Variants in PODXL observed in about 807,000 individuals in gnomAD.
The protein encoded by PODXL is podocalyxin.
Under a neutral mutation model 48.9 loss-of-function variants are expected in PODXL, and 20 were observed. That is an observed-to-expected ratio of 0.41 (90% CI 0.29 to 0.59). The LOEUF (loss-of-function observed/expected upper bound fraction) is 0.59. Among genes scored for constraint, PODXL ranks in the 20% least tolerant of loss-of-function variants. The pLI, the probability that PODXL is intolerant of heterozygous loss-of-function variation, is 0.31. For synonymous variants in PODXL, 295 were observed against 287.4 expected (o/e 1.03, Z -0.27); for missense variants, 606 against 675.1 (o/e 0.90, Z 1.13).
At chr7:131,544,616 G>C (rs1044742192) in intron 1 of PODXL, among the ~76,000 whole-genome samples, 2 of 151,984 alleles carry the variant, frequency 1.3e-5, no homozygotes, top group Admixed American at 1.3e-4. Context: ...GCACAGGCCT[G>C]GGGAGGGAGC....
chr7:131,504,653 G>T, intron 8 of PODXL, 145 bp from the exon 9 acceptor site: 1 of 682,150 alleles, frequency 1.5e-6, no homozygotes, highest in Non-Finnish European at 2.5e-6. Flanking sequence ...GGCTGCTCCT[G>T]GTGGTCATTC....
intron 1 of PODXL, among the ~76,000 whole-genome samples, chr7:131,552,231 G>A (rs1477819293): frequency 6.6e-6 from 1 of 152,242 alleles, no homozygotes; most frequent in Non-Finnish European, 1.5e-5. Context: ...TGGAGGTGGT[G>A]ATAAGTATGT....
intron 1 of PODXL, among the ~76,000 whole-genome samples, chr7:131,555,663 C>A (rs574854364): frequency 6.6e-6 from 1 of 152,186 alleles, no homozygotes; most frequent in Non-Finnish European, 1.5e-5. Context: ...GACTCTGGGA[C>A]TGTGGAAGGT....
chr7:131,550,838 A>G (rs1464825949), intron 1 of PODXL, among the ~76,000 whole-genome samples: 1 of 152,046 alleles, frequency 6.6e-6, no homozygotes, highest in East Asian at 1.9e-4. Flanking sequence ...CTGGAAAGCT[A>G]TTTATTGAGA....
At chr7:131,535,401 A>G (rs1031707866) in intron 1 of PODXL, among the ~76,000 whole-genome samples, 5 of 152,234 alleles carry the variant, frequency 3.3e-5, no homozygotes, top group Non-Finnish European at 5.9e-5. Context: ...CACCACAGCA[A>G]GTAAACAGGT....
Position 131,556,288 on chromosome 7 carries a change from C to T in PODXL, c.72G>A (p.Pro24=), listed in dbSNP as rs1798743354. 1 of 1,490,436 alleles carries T rather than the reference C, an allele frequency of 6.7e-7. No homozygotes were observed. 92.3% of individuals were successfully genotyped at this position (1,490,436 alleles called of 1,614,324 possible). A position where few individuals can be genotyped will look rare whatever the true frequency, so the allele number is the denominator to read the frequency against. Residue 24 remains proline, a synonymous_variant, in exon 1 of 9, where the codon CCG becomes CCA. Coordinates refer to ENST00000378555, the MANE Select transcript of PODXL (RefSeq NM_001018111.3). ...TCTGGGAGGGCGACGGCGACGGCGA[C>T]GGCGACGACGGCAGCAGCGGCGGCG... is the stretch of plus-strand genomic sequence containing the variant. The part of the protein sequence containing the change: ...LSTPPLLPSS[P]SPSPSPSQNA...
At position 131,529,162 on chromosome 7, in the gene PODXL, C is replaced by T. The variant is rs987526203; in HGVS notation, c.101-17729G>A. Among the ~76,000 whole-genome samples the T allele has an allele frequency of 3.9e-5, 6 of 152,192 alleles. No individual in the cohort carries two copies. The South Asian group carries it at 6.2e-4, about 16-fold the overall frequency. ...GTACTGGAGTCACCAAGAATGATGACACCTATTAAGATGGAGAGGATGGAG... is the reference window on the plus strand; with the variant it reads ...GTACTGGAGTCACCAAGAATGATGATACCTATTAAGATGGAGAGGATGGAG... On this transcript the variant is annotated intron_variant, in intron 1 of 8. Coordinates refer to ENST00000378555, the MANE Select transcript of PODXL (RefSeq NM_001018111.3).
rs147872373 is a variant in PODXL, at chr7:131,519,091, C to T, written c.101-7658G>A. Among the ~76,000 whole-genome samples the T allele has an allele frequency of 2.9e-3, 441 of 152,276 alleles. 1 individual carries two copies. Among genetic ancestry groups the T allele is most frequent in the African/African-American group, 1.0e-2 (414 of 41,560 alleles). ...CTGATGAATCTGTTCAGAGCCTCGC[C>T]TCAGTGGACCTTTCCTTCAAAAACA... On this transcript the variant is annotated intron_variant, in intron 1 of 8. Coordinates refer to ENST00000378555, the MANE Select transcript of PODXL (RefSeq NM_001018111.3).
chr7:131,506,734 G>A lies in PODXL; in HGVS notation c.1102-8C>T, dbSNP rs754759796. 7 of 1,613,994 alleles carry A rather than the reference G, an allele frequency of 4.3e-6. No homozygotes were observed. Among genetic ancestry groups the A allele is most frequent in the East Asian group, 2.2e-5 (1 of 44,864 alleles). On this transcript the variant is annotated splice_polypyrimidine_tract_variant and splice_region_variant and intron_variant, in intron 5 of 8. Coordinates refer to ENST00000378555, the MANE Select transcript of PODXL (RefSeq NM_001018111.3). The stretch of plus-strand genomic sequence containing the variant: ...ATCCGAAGCGCCCCCTGCCTATGGT[G>A]GGGAGAGCGCAGGTGACTCCGCGGG...
Position 131,556,604 on chromosome 7 carries a change from G to C in PODXL, c.-245C>G. 3.3e-6 allele frequency: 1 copy of C among 302,224 alleles called. No individual in the cohort carries two copies. Among genetic ancestry groups the C allele is most frequent in the Non-Finnish European group, 5.8e-6 (1 of 172,828 alleles). The allele number at this position is 302,224 out of a possible 1,614,324, so 18.7% of individuals were successfully genotyped here. ...GGCGGCGGCGGCTGCGTCCTGGGCG[G>C]CGTCTGCGCGGCTGCGGCCCCACTG... On this transcript the variant is annotated 5_prime_UTR_variant, in exon 1 of 9. Transcript: ENST00000378555.
intron 1 of PODXL, among the ~76,000 whole-genome samples, chr7:131,552,965 T>C (rs1194421650): frequency 6.6e-6 from 1 of 152,172 alleles, no homozygotes. Flanking sequence ...AATTTTTTTG[T>C]CTTTTTAGTA....
intron 1 of PODXL, among the ~76,000 whole-genome samples, chr7:131,513,455 C>A (rs904995019): frequency 6.6e-6 from 1 of 152,218 alleles, no homozygotes; most frequent in African/African-American, 2.4e-5. Context: ...TGCCAGCCAG[C>A]ACCCATACCA....
At chr7:131,545,967 C>T (rs778720015) in intron 1 of PODXL, among the ~76,000 whole-genome samples, 4 of 152,346 alleles carry the variant, frequency 2.6e-5, no homozygotes, top group African/African-American at 7.2e-5. Flanking sequence ...CAGAGCAATG[C>T]CCCCAAGGCA....
intron 8 of PODXL, among the ~76,000 whole-genome samples, chr7:131,505,235 A>G (rs1797778336): frequency 6.6e-6 from 1 of 152,188 alleles, no homozygotes; most frequent in Admixed American, 6.5e-5. Flanking sequence ...GCTTCTATCA[A>G]TGAATCCTCA....
At chr7:131,523,465 G>A (rs760674009) in intron 1 of PODXL, among the ~76,000 whole-genome samples, 3 of 151,966 alleles carry the variant, frequency 2.0e-5, no homozygotes, top group African/African-American at 7.2e-5. Flanking sequence ...GGCAGATCAC[G>A]AGGTCAGGAG....
Position 131,503,707 on chromosome 7 carries a change from G to GCC in PODXL, c.*603_*604insGG. The GCC allele has an allele frequency of 1.3e-5, 2 of 155,886 alleles. No homozygotes were observed. Among genetic ancestry groups the GCC allele is most frequent in the South Asian group, 2.0e-4 (1 of 5,030 alleles). The allele number at this position is 155,886 out of a possible 1,614,324, so 9.7% of individuals were successfully genotyped here. ...GGAACAAACACTGAGTGTAGGGAGG[G>GCC]GTAAGAACATAGAGGGTGGGAAGAT... On this transcript the variant is annotated 3_prime_UTR_variant, in exon 9 of 9. Transcript: ENST00000378555.
rs1461281564 is a variant in PODXL, at chr7:131,502,550, T to C, written c.*1761A>G. On this transcript the variant is annotated 3_prime_UTR_variant, in exon 9 of 9. Transcript: ENST00000378555. ...AGTAAGCCATCCCGAGTGGATAGCC[T>C]ATTTCATCAGAGCTACTACAGCCGG... The C allele has an allele frequency of 2.0e-5, 3 of 152,168 alleles. No individual in the cohort carries two copies. The highest frequency in any genetic ancestry group is 4.4e-5 in the Non-Finnish European group (3 of 68,068). 9.4% of individuals were successfully genotyped at this position (152,168 alleles called of 1,614,324 possible).
chr7:131,503,976 T>A lies in PODXL; in HGVS notation c.*335A>T. 2 of 341,154 alleles carry A rather than the reference T, an allele frequency of 5.9e-6. No individual in the cohort carries two copies. Among genetic ancestry groups the A allele is most frequent in the Non-Finnish European group, 1.1e-5 (2 of 182,012 alleles). The allele number at this position is 341,154 out of a possible 1,614,324, so 21.1% of individuals were successfully genotyped here. The stretch of plus-strand genomic sequence containing the variant: ...CCAAGTGGCTCTGACCTTGGGCAAG[T>A]CACTTACCCTCTTCAGGTCTCGGCA... On this transcript the variant is annotated 3_prime_UTR_variant, in exon 9 of 9. Coordinates refer to ENST00000378555, the MANE Select transcript of PODXL (RefSeq NM_001018111.3).
chr7:131,538,423 C>T (rs555796025), intron 1 of PODXL, among the ~76,000 whole-genome samples: 68 of 152,216 alleles, frequency 4.5e-4, no homozygotes, highest in African/African-American at 1.5e-3. Flanking sequence ...GGTTCAATGA[C>T]CTCTACAGTC....
Sources: allele counts gnomAD v4.1 joint callset (sites outside exome capture counted in the v4.1 genomes callset), GRCh38; gene constraint gnomAD v4.1.1; transcripts MANE v1.5; gene names NCBI Gene and HGNC (gene_info 2026-07-23, HGNC 2026-07-21).